Variants in FREM2 observed in about 807,000 individuals in gnomAD.
FREM2 encodes FRAS1-related extracellular matrix protein 2.
FREM2 carries 119 observed loss-of-function variants against 219.9 expected under a neutral mutation model. That is an observed-to-expected ratio of 0.54 (90% CI 0.47 to 0.63). FREM2 has a LOEUF of 0.63. Ranked by LOEUF, FREM2 falls within the 30% of genes least tolerant of loss-of-function variation. The probability of loss-of-function intolerance (pLI) is 0.00; values close to 1 mark genes in which losing one functional copy is unlikely to be tolerated. For missense variants in FREM2, 4,030 were observed against 3,993.6 expected, an observed-to-expected ratio of 1.01 and a Z score of -0.25; for synonymous variants, 1,562 against 1,522.8, an observed-to-expected ratio of 1.03 and a Z score of -0.60.
chr13:38,738,565 C>CAAAAAAAAAAAAAA (rs71074478), intron 2 of FREM2, among the ~76,000 whole-genome samples: 1 of 48,466 alleles, frequency 2.1e-5, no homozygotes, highest in African/African-American at 6.6e-5. Flanking sequence ...GACTCCATCT[C>CAAAAAAAAAAAAAA]AAAAAAAAAA....
At position 38,850,108 on chromosome 13, in the gene FREM2, C is replaced by G; in HGVS notation, c.6450C>G (p.Ile2150Met). Residue 2150 changes from isoleucine to methionine, a missense_variant, in exon 9 of 24, where the codon ATC becomes ATG. This residue lies in a region of FREM2 where 3,102 missense variants were observed against 2,950.7 expected (regional missense o/e 1.05). Coordinates refer to ENST00000280481, the MANE Select transcript of FREM2 (RefSeq NM_207361.6). ...GTGATGGGCAGATAGTTACAATGAT[C>G]CATAGGACTGGGGATGTCCAGTACA... ...SESDGQIVTM[I>M]HRTGDVQYRS... 1 of 1,613,882 alleles carries G rather than the reference C, an allele frequency of 6.2e-7. No homozygotes were observed. The highest frequency in any genetic ancestry group is 8.5e-7 in the Non-Finnish European group (1 of 1,179,788).
At chr13:38,797,085 C>T (rs1024433265) in intron 6 of FREM2, among the ~76,000 whole-genome samples, 1 of 151,704 alleles carries the variant, frequency 6.6e-6, no homozygotes, top group African/African-American at 2.4e-5. Flanking sequence ...TCTATGTTGC[C>T]CAGGCTGGTC....
chr13:38,762,302 C>T (rs1450608973), intron 2 of FREM2, among the ~76,000 whole-genome samples: 2 of 152,132 alleles, frequency 1.3e-5, no homozygotes, highest in African/African-American at 4.8e-5. Context: ...AGCCTCCTAG[C>T]CCATGGCCTC....
At chr13:38,775,982 T>G (rs1873855107) in intron 4 of FREM2, among the ~76,000 whole-genome samples, 2 of 152,246 alleles carry the variant, frequency 1.3e-5, no homozygotes, top group Non-Finnish European at 2.9e-5. Flanking sequence ...TTGGACCTCA[T>G]GCTATCTTGA....
chr13:38,769,666 C>G lies in FREM2; in HGVS notation c.5499C>G (p.Thr1833=). 1 of 1,614,132 alleles carries G rather than the reference C, an allele frequency of 6.2e-7. No individual in the cohort carries two copies. Among genetic ancestry groups the G allele is most frequent in the Non-Finnish European group, 8.5e-7 (1 of 1,180,000 alleles). The change falls in exon 4 of 24, where the codon ACC becomes ACG. Residue 1833 remains threonine (T), a synonymous_variant. Transcript: ENST00000280481. ...AAGTGCAGTTCAACCCAGGCCAGAC[C>G]AGGGCCACATGGCGAGTGCGGATCC... is the stretch of plus-strand genomic sequence containing the variant. ...QKQVQFNPGQ[T]RATWRVRILS... is the part of the protein sequence containing the mutation.
chr13:38,865,800 A>G (rs955027411), intron 16 of FREM2, among the ~76,000 whole-genome samples: 2 of 152,222 alleles, frequency 1.3e-5, no homozygotes, highest in Non-Finnish European at 2.9e-5. Context: ...GAATCTGGAT[A>G]TTGGAATCAA....
Position 38,850,132 on chromosome 13 carries a change from C to G in FREM2, c.6474C>G (p.Tyr2158Ter), listed in dbSNP as rs1431118413. 8.1e-6 allele frequency: 13 copies of G among 1,613,754 alleles called. No individual in the cohort carries two copies. Among genetic ancestry groups the G allele is most frequent in the Non-Finnish European group, 1.0e-5 (12 of 1,179,788 alleles). The change falls in exon 9 of 24, where the codon TAC (tyrosine) becomes TAG (stop). Residue 2158 changes from tyrosine (Y) to a stop codon, truncating the protein, a stop_gained. Coordinates refer to ENST00000280481, the MANE Select transcript of FREM2 (RefSeq NM_207361.6). LOFTEE classifies it high-confidence loss of function. ...TCCATAGGACTGGGGATGTCCAGTA[C>G]AGATCTTCAGTGAGATGCTACACCC... ...TMIHRTGDVQ[Y>*]RSSVRCYTRQ...
At chr13:38,756,088 T>C (rs1445351179) in intron 2 of FREM2, among the ~76,000 whole-genome samples, 1 of 152,236 alleles carries the variant, frequency 6.6e-6, no homozygotes, top group African/African-American at 2.4e-5. Context: ...AGGGATTGAT[T>C]AAAGCAAGAC....
intron 2 of FREM2, among the ~76,000 whole-genome samples, chr13:38,748,122 T>G (rs1872562182): frequency 6.6e-6 from 1 of 152,022 alleles, no homozygotes; most frequent in Non-Finnish European, 1.5e-5. Flanking sequence ...ATTTGACTAA[T>G]TAAAAAAAAG....
intron 6 of FREM2, among the ~76,000 whole-genome samples, chr13:38,813,563 C>CTATATATATATATATATATATA (rs71074484): frequency 5.9e-4 from 3 of 5,096 alleles, no homozygotes; most frequent in South Asian, 0.015. Context: ...CTCTCTCTCT[C>CTATATATATATATATATATATA]TATATATATA....
chr13:38,826,244 G>T (rs1159992027), intron 6 of FREM2, among the ~76,000 whole-genome samples: 1 of 152,108 alleles, frequency 6.6e-6, no homozygotes, highest in Non-Finnish European at 1.5e-5. Flanking sequence ...GGACCTGAAA[G>T]CTTAGAGATC....
intron 21 of FREM2, 68 bp downstream of exon 21, chr13:38,877,311 G>C: frequency 6.4e-7 from 1 of 1,570,690 alleles, no homozygotes; most frequent in Non-Finnish European, 8.8e-7. Context: ...GCTTTTTGGG[G>C]ATTGTGTTTG....
chr13:38,851,123 T>C lies in FREM2; in HGVS notation c.6742+15T>C, dbSNP rs1426029670. 2 of 1,612,168 alleles carry C rather than the reference T, an allele frequency of 1.2e-6. No homozygotes were observed. Among genetic ancestry groups the C allele is most frequent in the Non-Finnish European group, 1.7e-6 (2 of 1,179,686 alleles). On this transcript the variant is annotated intron_variant, in intron 10 of 23. Transcript: ENST00000280481. ...TGATGCTGATAGTAAGAAATCTTTT[T>C]TTGTTTGTTCAACTGTAAATTAGAA...
chr13:38,703,649 A>C (rs1870425970), intron 2 of FREM2, among the ~76,000 whole-genome samples: 1 of 152,214 alleles, frequency 6.6e-6, no homozygotes, highest in Non-Finnish European at 1.5e-5. Flanking sequence ...TTTAGATAGA[A>C]AAGTATAAAC....
At chr13:38,710,319 A>G (rs866335622) in intron 2 of FREM2, among the ~76,000 whole-genome samples, 10 of 152,288 alleles carry the variant, frequency 6.6e-5, no homozygotes, top group Middle Eastern at 3.4e-3. Context: ...TATGAGACTC[A>G]TATATTCAAT....
In FREM2 at chr13:38,692,439, A is replaced by G. The variant is rs775725488; in HGVS notation, c.5095A>G (p.Ile1699Val). Residue 1699 changes from isoleucine (I) to valine (V), a missense_variant, in exon 1 of 24, where the codon ATC becomes GTC. Around this residue, in one of 2 missense-constraint regions of FREM2, gnomAD observed 3,102 missense variants for 2,950.7 expected, o/e 1.05. Coordinates refer to ENST00000280481, the MANE Select transcript of FREM2 (RefSeq NM_207361.6). ...CAGCTTACACATTTCTCTTAGATTT[A>G]TCGTGACAGAGGCCCCTCAACATGG... ...RDSLHISLRF[I>V]VTEAPQHGYL... The G allele has an allele frequency of 2.5e-6, 4 of 1,613,842 alleles. No individual in the cohort carries two copies. Among genetic ancestry groups the G allele is most frequent in the African/African-American group, 1.3e-5 (1 of 74,934 alleles).
intron 6 of FREM2, among the ~76,000 whole-genome samples, chr13:38,785,417 G>T (rs1195860704): frequency 6.6e-6 from 1 of 152,164 alleles, no homozygotes; most frequent in Non-Finnish European, 1.5e-5. Context: ...TTTTTGTGTG[G>T]ATACAGAGAG....
chr13:38,755,234 A>C (rs1419929081), intron 2 of FREM2, among the ~76,000 whole-genome samples: 2 of 152,090 alleles, frequency 1.3e-5, no homozygotes, highest in East Asian at 3.9e-4. Context: ...CTTCTGCCCC[A>C]AGGATAGGTG....
chr13:38,743,220 T>A (rs1422943848), intron 2 of FREM2, among the ~76,000 whole-genome samples: 3 of 152,126 alleles, frequency 2.0e-5, no homozygotes, highest in Non-Finnish European at 2.9e-5. Flanking sequence ...CATATTTGAG[T>A]AAGTTTTCTA....
Sources: allele counts gnomAD v4.1 joint callset (sites outside exome capture counted in the v4.1 genomes callset), GRCh38; gene constraint gnomAD v4.1.1; regional missense constraint gnomAD v4.1.1; transcripts MANE v1.5; gene names NCBI Gene and HGNC (gene_info 2026-07-23, HGNC 2026-07-21).